The following RASSF6 variants were observed in gnomAD, a reference collection of about 807,000 sequenced individuals.
The protein encoded by RASSF6 is ras association domain-containing protein 6.
RASSF6 carries 52 observed loss-of-function variants against 44.0 expected under a neutral mutation model. The ratio of observed to expected loss-of-function variants is 1.18; its 90% CI spans 0.95 to 1.49. RASSF6 has a LOEUF of 1.49. RASSF6 is among the 40% of genes most tolerant of loss of function. The pLI is 0.00. For missense variants in RASSF6, 464 were observed against 393.3 expected, an observed-to-expected ratio of 1.18 and a Z score of -1.52; for synonymous variants, 162 against 124.6, an observed-to-expected ratio of 1.30 and a Z score of -2.00.
At position 73,576,268 on chromosome 4, in the gene RASSF6, A is replaced by G. The variant is rs781280430; in HGVS notation, c.981T>C (p.Asn327=). ...TTGTCTCTGTTTTTATTACTAGTTT[A>G]TTTTGAAGACATTTCAGTATAATCG... The part of the protein sequence containing the change: ...EKAIILKCLQ[N]KLVIKTETTV The change falls in exon 11 of 11, where the codon AAT becomes AAC. Residue 327 remains asparagine, a synonymous_variant. Coordinates refer to ENST00000307439, the MANE Select transcript of RASSF6 (RefSeq NM_177532.5). 8 of 1,562,146 alleles carry G rather than the reference A, an allele frequency of 5.1e-6. No individual in the cohort carries two copies. The highest frequency in any genetic ancestry group is 7.0e-6 in the Non-Finnish European group (8 of 1,137,000).
intron 2 of RASSF6, among the ~76,000 whole-genome samples, chr4:73,599,378 C>G (rs1236152080): frequency 6.6e-6 from 1 of 152,170 alleles, no homozygotes; most frequent in Non-Finnish European, 1.5e-5. Flanking sequence ...CCGACTTTGG[C>G]CAGGAAAGTT....
rs777069015 is a variant in RASSF6, at chr4:73,582,320, A to T, written c.568-30T>A. 4 of 1,166,094 alleles carry T rather than the reference A, an allele frequency of 3.4e-6. No individual in the cohort carries two copies. The Admixed American group carries it at 8.0e-5, about 23-fold the overall frequency. The allele number at this position is 1,166,094 out of a possible 1,614,324, so 72.2% of individuals were successfully genotyped here. On this transcript the variant is annotated intron_variant, in intron 6 of 10. Transcript: ENST00000307439. ...AAAAAGAATTGTCACATAAGTCTTT[A>T]AAATTATATTATATTAAGGGTATTC...
chr4:73,603,462 A>T (rs1220982792), intron 2 of RASSF6, among the ~76,000 whole-genome samples: 1 of 151,814 alleles, frequency 6.6e-6, no homozygotes, highest in Non-Finnish European at 1.5e-5. Flanking sequence ...CCAAGGAGAG[A>T]CTGACCTTGG....
intron 8 of RASSF6, among the ~76,000 whole-genome samples, chr4:73,578,692 T>G (rs1011505227): frequency 1.3e-5 from 2 of 150,826 alleles, no homozygotes; most frequent in Non-Finnish European, 3.0e-5. Flanking sequence ...CACTGCAACC[T>G]CCGCCTCCTG....
At chr4:73,587,658 T>C (rs1724201394) in intron 5 of RASSF6, among the ~76,000 whole-genome samples, 182 bp downstream of exon 5, 1 of 151,972 alleles carries the variant, frequency 6.6e-6, no homozygotes, top group African/African-American at 2.4e-5. Flanking sequence ...TTAAACATCA[T>C]ACAAGCACTA....
chr4:73,609,689 G>T (rs1213352319), intron 2 of RASSF6, among the ~76,000 whole-genome samples: 3 of 152,162 alleles, frequency 2.0e-5, no homozygotes, highest in African/African-American at 7.2e-5. Context: ...CCACAACAAT[G>T]CCTAGTAAAG....
chr4:73,608,330 T>C (rs1023109585), intron 2 of RASSF6, among the ~76,000 whole-genome samples: 1 of 152,020 alleles, frequency 6.6e-6, no homozygotes, highest in Non-Finnish European at 1.5e-5. Context: ...AGATAAATTT[T>C]ACTAGGAATA....
chr4:73,576,554 C>T, intron 9 of RASSF6, 47 bp from the exon 10 acceptor site: 1 of 1,552,560 alleles, frequency 6.4e-7, no homozygotes, highest in Non-Finnish European at 8.8e-7. Flanking sequence ...AACAATTATG[C>T]AAGAGGTGCT....
Position 73,576,896 on chromosome 4 carries a change from G to C in RASSF6, c.722-165C>G, listed in dbSNP as rs149317563. On this transcript the variant is annotated intron_variant, in intron 8 of 10. Coordinates refer to ENST00000307439, the MANE Select transcript of RASSF6 (RefSeq NM_177532.5). Reference sequence around the variant, plus strand: ...AGCAAATTGAAATTAAAACTTAAATGAACTTCTTTCTCTTACTGTATCTCA... The same window carrying C: ...AGCAAATTGAAATTAAAACTTAAATCAACTTCTTTCTCTTACTGTATCTCA... Among the ~76,000 whole-genome samples the C allele has an allele frequency of 2.8e-3, 422 of 152,282 alleles. 2 individuals carry two copies. Among genetic ancestry groups the C allele is most frequent in the African/African-American group, 9.9e-3 (413 of 41,568 alleles).
chr4:73,595,980 G>A (rs1210241783), intron 3 of RASSF6, among the ~76,000 whole-genome samples: 2 of 152,106 alleles, frequency 1.3e-5, no homozygotes, highest in Non-Finnish European at 2.9e-5. Context: ...AAATTCTAAT[G>A]TCCCCTTTGG....
rs561612577 is a variant in RASSF6 at position 73,607,066 on chromosome 4, T to C, written c.65+4665A>G. On this transcript the variant is annotated intron_variant, in intron 2 of 10. Coordinates refer to ENST00000307439, the MANE Select transcript of RASSF6 (RefSeq NM_177532.5). ...TGCTGCCATGACTTTCACCACTGGTTATCTTTACATTCAACAAAAAAATAA... is the reference window on the plus strand; with the variant it reads ...TGCTGCCATGACTTTCACCACTGGTCATCTTTACATTCAACAAAAAAATAA... 3.0e-4 allele frequency among the ~76,000 whole-genome samples: 46 copies of C among 152,318 alleles called. No individual in the cohort carries two copies. In the South Asian group the frequency reaches 8.9e-3, roughly 30 times the overall value.
intron 8 of RASSF6, among the ~76,000 whole-genome samples, chr4:73,577,910 T>C (rs1234352259): frequency 3.3e-5 from 5 of 152,276 alleles, no homozygotes; most frequent in Middle Eastern, 3.4e-3. Flanking sequence ...ACTCTATAGG[T>C]AATCTGAAAT....
intron 6 of RASSF6, among the ~76,000 whole-genome samples, chr4:73,582,603 A>G (rs1723752256): frequency 1.3e-5 from 2 of 152,152 alleles, no homozygotes; most frequent in African/African-American, 4.8e-5. Context: ...CACCAGATGC[A>G]TATTTAAAAA....
chr4:73,605,798 T>C (rs1216002750), intron 2 of RASSF6, among the ~76,000 whole-genome samples: 1 of 152,210 alleles, frequency 6.6e-6, no homozygotes, highest in Non-Finnish European at 1.5e-5. Flanking sequence ...TTTTTGACTT[T>C]TTTATAAAAG....
intron 4 of RASSF6, among the ~76,000 whole-genome samples, chr4:73,591,785 C>T (rs1416866976): frequency 6.6e-6 from 1 of 152,052 alleles, no homozygotes; most frequent in Non-Finnish European, 1.5e-5. Context: ...TAACCACAGG[C>T]TTCTGGGGAT....
Position 73,573,998 on chromosome 4 carries a change from G to A in RASSF6, c.*2237C>T, listed in dbSNP as rs182137458. The A allele has an allele frequency of 1.6e-3, 248 of 152,432 alleles. 1 individual carries two copies. The highest frequency in any genetic ancestry group is 5.7e-3 in the African/African-American group (236 of 41,556). The allele number at this position is 152,432 out of a possible 1,614,324, so 9.4% of individuals were successfully genotyped here. On this transcript the variant is annotated 3_prime_UTR_variant, in exon 11 of 11. Transcript: ENST00000307439. ...TTCCTTCACTACTTTGCCTGGAGTG[G>A]TTTCTGCAGTGCTGGTTGCCTGTAG...
At chr4:73,595,313 C>G (rs1724857356) in intron 3 of RASSF6, among the ~76,000 whole-genome samples, 1 of 152,160 alleles carries the variant, frequency 6.6e-6, no homozygotes, top group Non-Finnish European at 1.5e-5. Context: ...CCTGTCTCAG[C>G]CTTCCGAGTA....
rs531348792 is a variant in RASSF6, at chr4:73,572,774, T to C, written c.*3461A>G. ...TAAGTTTTAAATAATAACTTTACTA[T>C]TTCCTGATGTAAAAAGTAACAAATA... is the stretch of plus-strand genomic sequence containing the variant. On this transcript the variant is annotated 3_prime_UTR_variant, in exon 11 of 11. Coordinates refer to ENST00000307439, the MANE Select transcript of RASSF6 (RefSeq NM_177532.5). 6.6e-6 allele frequency: 1 copy of C among 152,196 alleles called. No homozygotes were observed. The highest frequency in any genetic ancestry group is 1.5e-5 in the Non-Finnish European group (1 of 68,014). 9.4% of individuals were successfully genotyped at this position (152,196 alleles called of 1,614,324 possible). A position where few individuals can be genotyped will look rare whatever the true frequency, so the allele number is the denominator to read the frequency against.
rs1324875827 is a variant in RASSF6, at chr4:73,587,913, A to C, written c.309T>G (p.Phe103Leu). 1 of 1,609,424 alleles carries C rather than the reference A, an allele frequency of 6.2e-7. No homozygotes were observed. Among genetic ancestry groups the C allele is most frequent in the Non-Finnish European group, 8.5e-7 (1 of 1,176,498 alleles). ...SSKGMTRWGE[F>L]DDLYRISELD... is the part of the protein sequence containing the mutation. ...GCTCACTAATACGATAGAGATCGTC[A>C]AATTCCCCCCAGCGTGTCATTCTGA... The change falls in exon 5 of 11, where the codon TTT (phenylalanine) becomes TTG (leucine). Residue 103 changes from phenylalanine to leucine, a missense_variant. Transcript: ENST00000307439.
Sources: allele counts gnomAD v4.1 joint callset (sites outside exome capture counted in the v4.1 genomes callset), GRCh38; gene constraint gnomAD v4.1.1; transcripts MANE v1.5; gene names NCBI Gene and HGNC (gene_info 2026-07-23, HGNC 2026-07-21).